Variants in BLTP3B observed in about 807,000 individuals in gnomAD.
BLTP3B encodes the protein UHRF1 (ICBP90) binding protein 1-like.
the BLTP3B span, among the ~76,000 whole-genome samples, chr12:100,124,934 TTTTATATATATATATATATA>T: frequency 1.4e-3 from 52 of 36,986 alleles, 1 homozygote; most frequent in African/African-American, 4.0e-3. Flanking sequence ...AAAAAAAAAA[TTTTATATATATATATATATA>T]TATATATATA....
chr12:100,130,984 A>AGAGG, the BLTP3B span, among the ~76,000 whole-genome samples: 3 of 42,452 alleles, frequency 7.1e-5, no homozygotes, highest in African/African-American at 1.1e-4. Flanking sequence ...AGAGGGAGGG[A>AGAGG]GAGAGAGAGA....
At chr12:100,101,308 A>G in the BLTP3B span, among the ~76,000 whole-genome samples, 1 of 152,176 alleles carries the variant, frequency 6.6e-6, no homozygotes, top group Non-Finnish European at 1.5e-5. Flanking sequence ...CATGGCATGC[A>G]CTGTAGGTAT....
At chr12:100,099,763 T>C in the BLTP3B span, among the ~76,000 whole-genome samples, 7 of 148,670 alleles carry the variant, frequency 4.7e-5, no homozygotes, top group East Asian at 4.0e-4. Flanking sequence ...AATTAACTAA[T>C]TGATTAATTA....
chr12:100,084,701 T>C, the BLTP3B span: 2 of 1,560,538 alleles, frequency 1.3e-6, no homozygotes, highest in Non-Finnish European at 1.7e-6. Context: ...AATGTACAAC[T>C]TTCATTTATT....
At chr12:100,083,257 G>A in the BLTP3B span, 14 of 641,108 alleles carry the variant, frequency 2.2e-5, no homozygotes, top group East Asian at 3.7e-4. Context: ...GATAATATTT[G>A]TGGACATACT....
chr12:100,044,603 A>G, the BLTP3B span, among the ~76,000 whole-genome samples: 1 of 152,218 alleles, frequency 6.6e-6, no homozygotes, highest in Non-Finnish European at 1.5e-5. Flanking sequence ...AACTAAGTAC[A>G]CAGGCAATAC....
chr12:100,110,808 A>C, the BLTP3B span, among the ~76,000 whole-genome samples: 9 of 152,212 alleles, frequency 5.9e-5, no homozygotes, highest in Admixed American at 2.0e-4. Flanking sequence ...TGGAATTGAA[A>C]AAATATCAGA....
the BLTP3B span, among the ~76,000 whole-genome samples, chr12:100,042,856 G>A: frequency 6.6e-6 from 1 of 152,190 alleles, no homozygotes; most frequent in Non-Finnish European, 1.5e-5. Context: ...CTGGAGTGCA[G>A]TGGCACGATC....
chr12:100,084,204 A>AT, the BLTP3B span, among the ~76,000 whole-genome samples: 2 of 151,618 alleles, frequency 1.3e-5, no homozygotes, highest in Non-Finnish European at 2.9e-5. Context: ...AAAAAAAAAA[A>AT]TACTTGGCTG....
chr12:100,120,793 A>AAGAGAG, the BLTP3B span, among the ~76,000 whole-genome samples: 1 of 149,590 alleles, frequency 6.7e-6, no homozygotes, highest in African/African-American at 2.4e-5. Context: ...ACAATTATGT[A>AAGAGAG]AGAGAGAGAG....
At chr12:100,124,229 TATG>T in the BLTP3B span, among the ~76,000 whole-genome samples, 418 of 152,140 alleles carry the variant, frequency 2.7e-3, 1 homozygote, top group African/African-American at 9.7e-3. Flanking sequence ...AAGTGTGCAC[TATG>T]ATAACACCAT....
At chr12:100,051,536 T>C in the BLTP3B span, 1 of 210,600 alleles carries the variant, frequency 4.7e-6, no homozygotes. Context: ...CCTAAAGACA[T>C]ACAAAACATA....
the BLTP3B span, chr12:100,057,611 T>G: frequency 6.2e-7 from 1 of 1,611,626 alleles, no homozygotes; most frequent in Non-Finnish European, 8.5e-7. Flanking sequence ...CATCACTTTC[T>G]AATAACTGTT....
the BLTP3B span, chr12:100,093,030 C>T: frequency 3.4e-6 from 3 of 870,680 alleles, no homozygotes; most frequent in African/African-American, 3.7e-5. Flanking sequence ...CTTCCACTGG[C>T]TCCCAAATGC....
the BLTP3B span, among the ~76,000 whole-genome samples, chr12:100,073,684 G>C: frequency 0.056 from 8,462 of 151,810 alleles, 777 homozygotes; most frequent in African/African-American, 0.19. Context: ...TAGTTTGATC[G>C]CTCGAATTCA....
the BLTP3B span, among the ~76,000 whole-genome samples, chr12:100,043,618 T>C: frequency 1.4e-4 from 21 of 152,342 alleles, no homozygotes; most frequent in Non-Finnish European, 2.1e-4. Flanking sequence ...CTATTTGCCA[T>C]AGCTGACCTC....
At chr12:100,142,669 T>C in the BLTP3B span, 1 of 1,598,140 alleles carries the variant, frequency 6.3e-7, no homozygotes, top group East Asian at 2.3e-5. Flanking sequence ...GGTCTCGTCC[T>C]GTTGCTCACT....
At chr12:100,055,064 A>G in the BLTP3B span, among the ~76,000 whole-genome samples, 1 of 152,072 alleles carries the variant, frequency 6.6e-6, no homozygotes, top group African/African-American at 2.4e-5. Flanking sequence ...TAAACTGACT[A>G]GTGTCTCCCA....
At chr12:100,069,343 C>A in the BLTP3B span, among the ~76,000 whole-genome samples, 2 of 152,008 alleles carry the variant, frequency 1.3e-5, no homozygotes, top group Admixed American at 6.6e-5. Context: ...CAGCAAAACT[C>A]GCAATTACAA....
Sources: allele counts gnomAD v4.1 joint callset (sites outside exome capture counted in the v4.1 genomes callset), GRCh38; gene constraint gnomAD v4.1.1; transcripts MANE v1.5; gene names NCBI Gene and HGNC (gene_info 2026-07-23, HGNC 2026-07-21).